CTNND2: variants seen among roughly 807,000 people sequenced by gnomAD.
The protein encoded by CTNND2 is catenin delta 2.
A neutral mutation model predicts 144.4 loss-of-function variants in CTNND2; 22 were observed. That is an observed-to-expected ratio of 0.15 (90% confidence interval 0.11 to 0.22). The LOEUF is 0.22. Ranked by LOEUF, CTNND2 falls within the 10% of genes least tolerant of loss-of-function variation. The probability of loss-of-function intolerance (pLI) is 1.00; values close to 1 mark genes in which losing one functional copy is unlikely to be tolerated. For missense variants in CTNND2, 1,353 were observed against 1,618.8 expected, an observed-to-expected ratio of 0.84 and a Z score of 2.82; for synonymous variants, 751 against 695.6, an observed-to-expected ratio of 1.08 and a Z score of -1.25.
intron 9 of CTNND2, among the ~76,000 whole-genome samples, chr5:11,248,302 A>C (rs1265444419): frequency 6.6e-6 from 1 of 151,900 alleles, no homozygotes; most frequent in Non-Finnish European, 1.5e-5. Context: ...GAAAACCACA[A>C]AGGCCTTGGT....
intron 6 of CTNND2, among the ~76,000 whole-genome samples, chr5:11,389,049 A>C (rs1759371269): frequency 6.6e-6 from 1 of 152,240 alleles, no homozygotes. Context: ...AAATAAAAAT[A>C]ATGATATAAC....
intron 15 of CTNND2, among the ~76,000 whole-genome samples, chr5:11,088,431 A>T (rs1688405103): frequency 6.6e-6 from 1 of 152,264 alleles, no homozygotes; most frequent in South Asian, 2.1e-4. Context: ...TATCCAATTT[A>T]GGAAAATAAA....
At chr5:11,034,431 T>C (rs1361210114) in intron 16 of CTNND2, among the ~76,000 whole-genome samples, 1 of 152,214 alleles carries the variant, frequency 6.6e-6, no homozygotes, top group African/African-American at 2.4e-5. Flanking sequence ...CAAATTCCTC[T>C]GAGTAAAATT....
intron 2 of CTNND2, among the ~76,000 whole-genome samples, chr5:11,594,830 T>C (rs1779423649): frequency 6.6e-6 from 1 of 152,178 alleles, no homozygotes; most frequent in African/African-American, 2.4e-5. Context: ...TTGGTAGTGA[T>C]TTACAAATAA....
chr5:11,466,153 C>T (rs2149944253), intron 3 of CTNND2, among the ~76,000 whole-genome samples: 1 of 152,256 alleles, frequency 6.6e-6, no homozygotes, highest in Non-Finnish European at 1.5e-5. Context: ...AGGCACATAC[C>T]ACCATGCCTG....
rs1300056182 is a variant in CTNND2 at position 11,209,924 on chromosome 5, AAAC to A, written c.1762-10266_1762-10264del. On this transcript the variant is annotated intron_variant, in intron 10 of 21. Transcript: ENST00000304623. ...GAGACAGCGAGACTCTGTCTCAAAC[AAAC>A]AACAACAAAAAAAGTGTAAATATAA... is the stretch of plus-strand genomic sequence containing the variant. Among the ~76,000 whole-genome samples, 4 of 152,214 alleles carry A rather than the reference AAAC, an allele frequency of 2.6e-5. No homozygotes were observed. The South Asian group carries it at 6.2e-4, about 24-fold the overall frequency.
At position 11,543,888 on chromosome 5, in the gene CTNND2, T is replaced by G. The variant is rs560970749; in HGVS notation, c.287+21056A>C. Among the ~76,000 whole-genome samples the G allele has an allele frequency of 7.9e-5, 12 of 152,310 alleles. No homozygotes were observed. In the South Asian group the frequency reaches 1.7e-3, roughly 21 times the overall value. On this transcript the variant is annotated intron_variant, in intron 3 of 21. Transcript: ENST00000304623. Reference sequence around the variant, plus strand: ...ACTCGGCAGAATAAAAGATACATCTTTCTTGGAAGACCATACCTTAAACTC... The same window carrying G: ...ACTCGGCAGAATAAAAGATACATCTGTCTTGGAAGACCATACCTTAAACTC...
At chr5:11,845,655 CTA>C (rs1794698702) in intron 1 of CTNND2, among the ~76,000 whole-genome samples, 1 of 152,194 alleles carries the variant, frequency 6.6e-6, no homozygotes, top group African/African-American at 2.4e-5. Flanking sequence ...ATCTCCAAAA[CTA>C]TGTTTTTATT....
intron 2 of CTNND2, among the ~76,000 whole-genome samples, chr5:11,637,217 C>A (rs1363700058): frequency 1.3e-5 from 2 of 152,114 alleles, no homozygotes; most frequent in African/African-American, 4.8e-5. Flanking sequence ...CACTTAAATA[C>A]TAATAGAGGG....
In CTNND2 at chr5:11,840,829, C is replaced by T. The variant is rs111987288; in HGVS notation, c.37+62988G>A. Among the ~76,000 whole-genome samples the T allele has an allele frequency of 4.1e-3, 621 of 152,212 alleles. 6 individuals are homozygous for T. Among genetic ancestry groups the T allele is most frequent in the African/African-American group, 0.012 (519 of 41,530 alleles). ...TAAGAAATACCCAAAAATCTGACTGCCCATGTATCTATACATTCAAGTAAT... is the reference window on the plus strand; with the variant it reads ...TAAGAAATACCCAAAAATCTGACTGTCCATGTATCTATACATTCAAGTAAT... On this transcript the variant is annotated intron_variant, in intron 1 of 21. Transcript: ENST00000304623.
chr5:11,116,608 G>A (rs1753571967), intron 13 of CTNND2, among the ~76,000 whole-genome samples: 1 of 152,198 alleles, frequency 6.6e-6, no homozygotes, highest in South Asian at 2.1e-4. Flanking sequence ...TCTGGCTTGT[G>A]AACTAAGACA....
At chr5:10,974,491 G>A (rs1312088061) in intron 21 of CTNND2, among the ~76,000 whole-genome samples, 1 of 152,186 alleles carries the variant, frequency 6.6e-6, no homozygotes, top group Non-Finnish European at 1.5e-5. Flanking sequence ...TTTAGCTGCT[G>A]TAAATAATGT....
intron 9 of CTNND2, among the ~76,000 whole-genome samples, chr5:11,278,193 A>G (rs1021041859): frequency 2.6e-5 from 4 of 152,156 alleles, no homozygotes; most frequent in African/African-American, 7.2e-5. Flanking sequence ...GCTTCTCTAC[A>G]GTCGCCATTC....
chr5:11,324,029 T>C (rs1250570134), intron 9 of CTNND2, among the ~76,000 whole-genome samples: 1 of 152,084 alleles, frequency 6.6e-6, no homozygotes, highest in African/African-American at 2.4e-5. Context: ...CGATGGACAC[T>C]CAATCCAGAA....
chr5:11,718,365 T>C lies in CTNND2; in HGVS notation c.174+13771A>G, dbSNP rs566919698. Among the ~76,000 whole-genome samples, 3 of 152,294 alleles carry C rather than the reference T, an allele frequency of 2.0e-5. No individual in the cohort carries two copies. The East Asian group carries it at 5.8e-4, about 29-fold the overall frequency. On this transcript the variant is annotated intron_variant, in intron 2 of 21. Transcript: ENST00000304623. ...TTTCTGGAAACCCCAGAACTTCATG[T>C]TCTACTGGTCATCTGTGGCTCTGAG...
chr5:11,756,995 A>C (rs1788979395), intron 1 of CTNND2, among the ~76,000 whole-genome samples: 1 of 151,730 alleles, frequency 6.6e-6, no homozygotes, highest in Admixed American at 6.6e-5. Flanking sequence ...AACACCCTGA[A>C]AAATTACACA....
At chr5:11,398,596 AG>A (rs1760350266) in intron 5 of CTNND2, among the ~76,000 whole-genome samples, 1 of 152,154 alleles carries the variant, frequency 6.6e-6, no homozygotes, top group Non-Finnish European at 1.5e-5. Context: ...GAAAAAAAAA[AG>A]GTAAGCAAGG....
intron 9 of CTNND2, among the ~76,000 whole-genome samples, chr5:11,247,941 C>A (rs1478369347): frequency 6.6e-6 from 1 of 152,146 alleles, no homozygotes; most frequent in African/African-American, 2.4e-5. Flanking sequence ...AAAATAACCT[C>A]AAACATGTAA....
In CTNND2 at chr5:11,831,105, T is replaced by C. The variant is rs1793876029; in HGVS notation, c.37+72712A>G. 2.6e-5 allele frequency among the ~76,000 whole-genome samples: 4 copies of C among 152,026 alleles called. No individual in the cohort carries two copies. The South Asian group carries it at 8.3e-4, about 31-fold the overall frequency. ...GGTTGGAAGACTCAACATGATTAAGTTGTAGATTCTTTCCAAACTGTTGAT... is the reference window on the plus strand; with the variant it reads ...GGTTGGAAGACTCAACATGATTAAGCTGTAGATTCTTTCCAAACTGTTGAT... On this transcript the variant is annotated intron_variant, in intron 1 of 21. Coordinates refer to ENST00000304623, the MANE Select transcript of CTNND2 (RefSeq NM_001332.4).
Sources: gnomAD v4.1 joint callset for allele counts (sites outside exome capture counted in the v4.1 genomes callset) on GRCh38, gnomAD v4.1.1 for gene constraint, MANE v1.5 for transcripts, NCBI Gene and HGNC (gene_info 2026-07-23, HGNC 2026-07-21) for gene names.